Variants in XKR6 observed in about 807,000 individuals in gnomAD.
XKR6 encodes XK-related protein 6.
A neutral mutation model predicts 56.7 loss-of-function variants in XKR6; 22 were observed. The observed-to-expected ratio is 0.39, with a 90% CI of 0.28 to 0.55. The LOEUF (loss-of-function observed/expected upper bound fraction) is 0.55, where lower values mean the gene tolerates loss of function less well. XKR6 is among the 20% of genes least tolerant of loss of function. The pLI is 0.66. For missense variants in XKR6, 852 were observed against 889.0 expected (o/e 0.96, Z 0.53); for synonymous variants, 524 against 387.8 (o/e 1.35, Z -4.13).
chr8:11,074,789 T>C (rs1359698385), intron 1 of XKR6, among the ~76,000 whole-genome samples: 1 of 152,202 alleles, frequency 6.6e-6, no homozygotes, highest in Non-Finnish European at 1.5e-5. Context: ...ACCTCTGTGA[T>C]AGGATCACAA....
At chr8:10,933,825 G>C in intron 1 of XKR6, among the ~76,000 whole-genome samples, 5 of 137,322 alleles carry the variant, frequency 3.6e-5, no homozygotes, top group African/African-American at 1.5e-4. Context: ...TTGAAGTCAG[G>C]TAGTGTGATG....
chr8:11,039,055 G>A (rs1278611632), intron 1 of XKR6, among the ~76,000 whole-genome samples: 2 of 151,308 alleles, frequency 1.3e-5, no homozygotes, highest in African/African-American at 4.9e-5. Context: ...CCCAGAGAGT[G>A]GCGCAGGCCC....
intron 1 of XKR6, among the ~76,000 whole-genome samples, chr8:11,066,546 C>A (rs1392836840): frequency 6.6e-6 from 1 of 152,218 alleles, no homozygotes; most frequent in African/African-American, 2.4e-5. Context: ...AGAGACGTCA[C>A]CCGCCCAGGC....
chr8:11,140,765 G>C (rs1260568630), intron 1 of XKR6, among the ~76,000 whole-genome samples: 1 of 152,022 alleles, frequency 6.6e-6, no homozygotes, highest in African/African-American at 2.4e-5. Context: ...AGGCATGGTG[G>C]TGGGCGCCTG....
chr8:11,103,525 T>C lies in XKR6; in HGVS notation c.764+97051A>G, dbSNP rs375867626. ...CTCAATATTTTCTAGATTCCACAAA[T>C]GGGGCTTTTAAAATGGCATGCTAAT... On this transcript the variant is annotated intron_variant, in intron 1 of 2. Coordinates refer to ENST00000416569, the MANE Select transcript of XKR6 (RefSeq NM_173683.4). Among the ~76,000 whole-genome samples the C allele has an allele frequency of 3.9e-5, 6 of 152,302 alleles. No homozygotes were observed. In the East Asian group the frequency reaches 9.6e-4, roughly 24 times the overall value.
At chr8:10,965,705 C>T (rs1802201087) in intron 1 of XKR6, among the ~76,000 whole-genome samples, 1 of 152,184 alleles carries the variant, frequency 6.6e-6, no homozygotes, top group African/African-American at 2.4e-5. Context: ...AGGGTGTTAC[C>T]GGGGCAACAG....
At chr8:11,023,390 TCTGAGTAG>T (rs1798790035) in intron 1 of XKR6, among the ~76,000 whole-genome samples, 1 of 152,158 alleles carries the variant, frequency 6.6e-6, no homozygotes, top group African/African-American at 2.4e-5. Flanking sequence ...ACCTCAGCCT[TCTGAGTAG>T]CTGGAACTCT....
intron 1 of XKR6, among the ~76,000 whole-genome samples, chr8:11,176,711 A>G (rs1479629579): frequency 6.6e-6 from 1 of 152,030 alleles, no homozygotes; most frequent in East Asian, 1.9e-4. Context: ...CTTAGGCCCC[A>G]TCAGCAGTTA....
At chr8:11,133,398 G>C (rs1800215565) in intron 1 of XKR6, among the ~76,000 whole-genome samples, 1 of 152,032 alleles carries the variant, frequency 6.6e-6, no homozygotes, top group African/African-American at 2.4e-5. Context: ...GGACCCTGGG[G>C]CACAGCATGT....
At chr8:11,189,047 C>G (rs577997338) in intron 1 of XKR6, among the ~76,000 whole-genome samples, 1 of 152,200 alleles carries the variant, frequency 6.6e-6, no homozygotes, top group Admixed American at 6.5e-5. Context: ...ATCTATCAAG[C>G]AAAATGTAGG....
chr8:11,146,133 T>A (rs1800970603), intron 1 of XKR6, among the ~76,000 whole-genome samples: 1 of 152,218 alleles, frequency 6.6e-6, no homozygotes. Flanking sequence ...AATATTCATA[T>A]TGTTTAGAAA....
At chr8:10,962,076 G>A (rs1802080624) in intron 1 of XKR6, among the ~76,000 whole-genome samples, 1 of 152,244 alleles carries the variant, frequency 6.6e-6, no homozygotes, top group African/African-American at 2.4e-5. Context: ...GAAGTACAAT[G>A]AAAAGTGTCT....
intron 1 of XKR6, among the ~76,000 whole-genome samples, chr8:11,017,729 C>T (rs1271852718): frequency 2.6e-5 from 4 of 152,184 alleles, no homozygotes; most frequent in African/African-American, 7.2e-5. Flanking sequence ...GACCTGGGTC[C>T]TGAGGACGGG....
intron 1 of XKR6, among the ~76,000 whole-genome samples, chr8:11,191,270 A>T (rs536269980): frequency 2.6e-5 from 4 of 152,316 alleles, no homozygotes; most frequent in African/African-American, 9.6e-5. Flanking sequence ...CACCAACAAC[A>T]ACTACTTAAT....
At chr8:11,042,233 CT>C (rs112524909) in intron 1 of XKR6, among the ~76,000 whole-genome samples, 5,334 of 143,662 alleles carry the variant, frequency 0.037, 193 homozygotes, top group African/African-American at 0.099. Flanking sequence ...TTTAGGATTC[CT>C]TTTTTTTTTT....
chr8:11,138,576 A>T (rs1032018413), intron 1 of XKR6: 1 of 152,254 alleles, frequency 6.6e-6, no homozygotes, highest in Admixed American at 6.5e-5. Context: ...ACCATTAAGA[A>T]GCAAAACTGT....
chr8:11,043,670 C>G (rs77970619), intron 1 of XKR6, among the ~76,000 whole-genome samples: 9 of 152,200 alleles, frequency 5.9e-5, no homozygotes, highest in Non-Finnish European at 7.3e-5. Flanking sequence ...TCCCAAACCA[C>G]TGAATGGTCC....
intron 1 of XKR6, among the ~76,000 whole-genome samples, chr8:11,035,574 G>C (rs902578240): frequency 6.6e-6 from 1 of 152,210 alleles, no homozygotes; most frequent in Non-Finnish European, 1.5e-5. Context: ...TGAACTTCAA[G>C]AACCCAGCTG....
chr8:11,058,332 C>G (rs1260460680), intron 1 of XKR6, among the ~76,000 whole-genome samples: 1 of 152,052 alleles, frequency 6.6e-6, no homozygotes, highest in African/African-American at 2.4e-5. Context: ...GGGTATATAC[C>G]CAAAGGATTA....
Sources: gnomAD v4.1 joint callset for allele counts (sites outside exome capture counted in the v4.1 genomes callset) on GRCh38, gnomAD v4.1.1 for gene constraint, MANE v1.5 for transcripts, NCBI Gene and HGNC (gene_info 2026-07-23, HGNC 2026-07-21) for gene names.